TNS1: variants seen among roughly 807,000 people sequenced by gnomAD.
TNS1 encodes the protein tensin 1.
Under a neutral mutation model 168.6 loss-of-function variants are expected in TNS1, and 62 were observed. The observed-to-expected ratio is 0.37, with a 90% CI of 0.30 to 0.45. TNS1 has a LOEUF of 0.45. Ranked by LOEUF, TNS1 falls within the 20% of genes least tolerant of loss-of-function variation. The pLI, the probability that TNS1 is intolerant of heterozygous loss-of-function variation, is 1.00. For synonymous variants in TNS1, 934 were observed against 933.2 expected, an observed-to-expected ratio of 1.00 and a Z score of -0.02; for missense variants, 2,240 against 2,339.4, an observed-to-expected ratio of 0.96 and a Z score of 0.88.
intron 3 of TNS1, chr2:217,937,203 A>G (rs2125924099): frequency 2.8e-6 from 1 of 360,398 alleles, no homozygotes; most frequent in African/African-American, 2.2e-5. Context: ...TACTCCCCCC[A>G]CTAGATCGTG....
chr2:217,837,802 C>T (rs1945371706), intron 19 of TNS1, among the ~76,000 whole-genome samples: 1 of 152,212 alleles, frequency 6.6e-6, no homozygotes, highest in African/African-American at 2.4e-5. Flanking sequence ...AAATAGGAGT[C>T]CCATTAGACC....
intron 3 of TNS1, among the ~76,000 whole-genome samples, chr2:217,924,001 C>T (rs1199361037): frequency 6.6e-6 from 1 of 152,224 alleles, no homozygotes; most frequent in African/African-American, 2.4e-5. Context: ...AGGGAAAAAG[C>T]ACTAGAGAGC....
chr2:217,810,431 A>G, intron 28 of TNS1, 112 bp from the exon 29 acceptor site: 1 of 972,760 alleles, frequency 1.0e-6, no homozygotes, highest in South Asian at 1.4e-5. Flanking sequence ...GCTGCTTTTC[A>G]TACCAGACCC....
rs55718126 is a variant in TNS1, at chr2:217,880,411, C to T, written c.1429+487G>A. On this transcript the variant is annotated intron_variant, in intron 18 of 32. Coordinates refer to ENST00000682258, the MANE Select transcript of TNS1 (RefSeq NM_001387777.1). The surrounding 1 kb of genome is among the most constrained non-coding windows in gnomAD (Gnocchi z 4.2). Reference sequence around the variant, plus strand: ...AAGCTTGTAGGCCCTAGATCCTGTGCCTCTGTTCCTAGTACTCTGACCCCA... The same window carrying T: ...AAGCTTGTAGGCCCTAGATCCTGTGTCTCTGTTCCTAGTACTCTGACCCCA... 0.37 allele frequency among the ~76,000 whole-genome samples: 55,669 copies of T among 152,012 alleles called. 10,839 individuals carry two copies. The highest frequency in any genetic ancestry group is 0.51 in the South Asian group (2,462 of 4,814).
intron 1 of TNS1, among the ~76,000 whole-genome samples, chr2:218,031,024 ATGTG>A (rs1219612667): frequency 4.8e-5 from 5 of 104,442 alleles, no homozygotes; most frequent in African/African-American, 1.1e-4. Context: ...GTATGTGTGT[ATGTG>A]TGTGTATGTG....
rs1950577173 is a variant in TNS1, at chr2:217,880,458, G to A, written c.1429+440C>T. Among the ~76,000 whole-genome samples, 1 of 152,136 alleles carries A rather than the reference G, an allele frequency of 6.6e-6. No homozygotes were observed. Among genetic ancestry groups the A allele is most frequent in the Non-Finnish European group, 1.5e-5 (1 of 68,022 alleles). On this transcript the variant is annotated intron_variant, in intron 18 of 32. Transcript: ENST00000682258. The surrounding 1 kb of genome is among the most constrained non-coding windows in gnomAD (Gnocchi z 4.2). ...CCCAGAGAACTCAGGCAGCAAGCCT[G>A]AAGAAACCCAACAGTGGGTTTAATA...
At chr2:217,863,312 G>A (rs887445741) in intron 18 of TNS1, among the ~76,000 whole-genome samples, 5 of 152,198 alleles carry the variant, frequency 3.3e-5, no homozygotes, top group African/African-American at 1.2e-4. Context: ...CAGGTAGCCA[G>A]GGCCCCCCAG....
intron 1 of TNS1, among the ~76,000 whole-genome samples, chr2:217,997,182 C>T (rs1295688514): frequency 6.6e-6 from 1 of 152,176 alleles, no homozygotes; most frequent in East Asian, 1.9e-4. Flanking sequence ...GCTGTCTCCT[C>T]ATTTTAGTTT....
intron 3 of TNS1, among the ~76,000 whole-genome samples, chr2:217,967,967 CT>C (rs1957688461): frequency 6.6e-6 from 1 of 152,122 alleles, no homozygotes. Flanking sequence ...CCAAATGGGA[CT>C]TATCCCAGGA....
intron 18 of TNS1, among the ~76,000 whole-genome samples, chr2:217,879,864 A>G (rs1032376025): frequency 6.4e-4 from 98 of 152,170 alleles, no homozygotes; most frequent in African/African-American, 2.3e-3. Context: ...GGGCCCCAGG[A>G]TGGCACAGCC....
At chr2:217,902,475 G>A (rs1407352509) in intron 6 of TNS1, among the ~76,000 whole-genome samples, 1 of 152,128 alleles carries the variant, frequency 6.6e-6, no homozygotes, top group African/African-American at 2.4e-5. Flanking sequence ...GCTTGGCAGG[G>A]GGAACTGGGG....
intron 1 of TNS1, among the ~76,000 whole-genome samples, chr2:218,000,761 A>T (rs1205221563): frequency 6.6e-6 from 1 of 152,216 alleles, no homozygotes; most frequent in Admixed American, 6.5e-5. Context: ...TCTCTGGCCC[A>T]TCCTGGCCAT....
chr2:217,841,384 A>G (rs1271892933), intron 19 of TNS1: 1 of 453,924 alleles, frequency 2.2e-6, no homozygotes, highest in African/African-American at 2.1e-5. Flanking sequence ...AGCACAGGGA[A>G]CAGATGGACA....
At chr2:218,016,900 G>A (rs1181111770) in intron 1 of TNS1, among the ~76,000 whole-genome samples, 2 of 152,188 alleles carry the variant, frequency 1.3e-5, no homozygotes, top group Admixed American at 6.5e-5. Context: ...TCCATAAAGA[G>A]CAGCGAGTGG....
At chr2:217,805,504 C>CAG (rs1559131932) in intron 32 of TNS1, among the ~76,000 whole-genome samples, 1 of 58,202 alleles carries the variant, frequency 1.7e-5, no homozygotes, top group Non-Finnish European at 3.0e-5. Context: ...ACCACACACA[C>CAG]CACCACACAC....
At chr2:217,859,486 A>C in intron 18 of TNS1, 1 of 654,736 alleles carries the variant, frequency 1.5e-6, no homozygotes, top group Non-Finnish European at 2.7e-6. Flanking sequence ...ACCTGAATAG[A>C]AGGACTGGGG....
At chr2:217,903,544 G>T in intron 6 of TNS1, 1 of 1,522,614 alleles carries the variant, frequency 6.6e-7, no homozygotes, top group South Asian at 1.2e-5. Context: ...GACACAGGTT[G>T]ATTACAGAAC....
intron 32 of TNS1, among the ~76,000 whole-genome samples, chr2:217,807,755 A>T (rs1270852957): frequency 6.6e-6 from 1 of 152,248 alleles, no homozygotes; most frequent in East Asian, 1.9e-4. Flanking sequence ...GGCAGAAAAG[A>T]TCATGTAAGC....
At chr2:218,012,822 C>T (rs180698552), upstream of TNS1, among the ~76,000 whole-genome samples, 1 of 152,296 alleles carries the variant, frequency 6.6e-6, no homozygotes, top group African/African-American at 2.4e-5. Flanking sequence ...AGATTCTAGC[C>T]AGGACCCCCT....
Sources: allele counts gnomAD v4.1 joint callset (sites outside exome capture counted in the v4.1 genomes callset), GRCh38; gene constraint gnomAD v4.1.1; non-coding constraint Gnocchi (gnomAD v3.1); transcripts MANE v1.5; gene names NCBI Gene and HGNC (gene_info 2026-07-23, HGNC 2026-07-21).